Variants in PCDH15 observed in about 807,000 individuals in gnomAD.
PCDH15 encodes protocadherin-15.
Under a neutral mutation model 178.5 loss-of-function variants are expected in PCDH15, and 129 were observed. That is an observed-to-expected ratio of 0.72 (90% CI 0.63 to 0.84). The LOEUF (loss-of-function observed/expected upper bound fraction) is 0.84, where lower values mean the gene tolerates loss of function less well. PCDH15 is among the 40% of genes least tolerant of loss of function. The probability of loss-of-function intolerance (pLI) is 0.00; values close to 1 mark genes in which losing one functional copy is unlikely to be tolerated. For missense variants in PCDH15, 2,230 were observed against 2,099.9 expected, an observed-to-expected ratio of 1.06 and a Z score of -1.21; for synonymous variants, 800 against 732.0, an observed-to-expected ratio of 1.09 and a Z score of -1.50.
rs1842461234 is a variant in PCDH15, at chr10:55,096,901, C to T, written c.-80+69675G>A. On this transcript the variant is annotated intron_variant, in intron 2 of 5. Coordinates refer to the PCDH15 transcript ENST00000458638. ...AAACTTCCAGTATCAGTTAAATTTA[C>T]ACATGAAAATAAAACAAATATTTCA... Among the ~76,000 whole-genome samples the T allele has an allele frequency of 3.3e-5, 5 of 152,022 alleles. No individual in the cohort carries two copies. In the South Asian group the frequency reaches 1.0e-3, roughly 31 times the overall value.
At chr10:54,443,176 T>A (rs55932234) in intron 3 of PCDH15, among the ~76,000 whole-genome samples, 4 of 151,592 alleles carry the variant, frequency 2.6e-5, no homozygotes, top group Non-Finnish European at 5.9e-5. Context: ...ATAGCAGCAA[T>A]TTTTTTTCCT....
rs1017735499 is a variant in PCDH15, at chr10:54,801,173, C to T, written c.-277G>A. On this transcript the variant is annotated 5_prime_UTR_variant, in exon 1 of 38. The change abolishes an upstream ATG in the 5' untranslated region. Coordinates refer to ENST00000644397, the MANE Select transcript of PCDH15 (RefSeq NM_001384140.1). ...CAACATGTTAACTCAGAAAGCATAC[C>T]ATCATTCTCCACGTTCTGAGATGTA... 5 of 152,084 alleles carry T rather than the reference C, an allele frequency of 3.3e-5. No individual in the cohort carries two copies. The allele number at this position is 152,084 out of a possible 1,614,324, so 9.4% of individuals were successfully genotyped here.
intron 15 of PCDH15, among the ~76,000 whole-genome samples, chr10:54,107,476 C>A (rs1590486259): frequency 6.6e-6 from 1 of 152,268 alleles, no homozygotes; most frequent in African/African-American, 2.4e-5. Context: ...TTTGTGGCAG[C>A]AACGTGCACA....
intron 32 of PCDH15, chr10:53,821,812 CTA>C (rs764242130): frequency 1.2e-6 from 2 of 1,607,932 alleles, no homozygotes; most frequent in Non-Finnish European, 1.7e-6. Flanking sequence ...AACTTGAAGA[CTA>C]TGATCAACAA....
chr10:55,382,593 C>A (rs756333802), intron 2 of PCDH15, among the ~76,000 whole-genome samples: 1 of 152,140 alleles, frequency 6.6e-6, no homozygotes, highest in South Asian at 2.1e-4. Flanking sequence ...CAGTGAGACA[C>A]GTGTTGGATT....
intron 1 of PCDH15, among the ~76,000 whole-genome samples, chr10:54,754,942 C>CTTCCTTTTTTTTTTTT (rs775058954): frequency 5.9e-5 from 2 of 33,860 alleles, no homozygotes; most frequent in South Asian, 1.1e-3. Flanking sequence ...GTTTTTCTTT[C>CTTCCTTTTTTTTTTTT]TTTTTTTTTT....
chr10:54,069,483 A>G (rs960239190), intron 17 of PCDH15, among the ~76,000 whole-genome samples: 3 of 152,146 alleles, frequency 2.0e-5, no homozygotes, highest in African/African-American at 7.2e-5. Context: ...TTCTTACTGA[A>G]TTTTATATGA....
chr10:54,770,240 A>G (rs1471377417), intron 1 of PCDH15, among the ~76,000 whole-genome samples: 1 of 152,126 alleles, frequency 6.6e-6, no homozygotes, highest in Non-Finnish European at 1.5e-5. Context: ...AATGGTTTCA[A>G]ATTATGACCT....
At chr10:54,363,504 A>G (rs1272860957) in intron 5 of PCDH15, among the ~76,000 whole-genome samples, 1 of 152,174 alleles carries the variant, frequency 6.6e-6, no homozygotes, top group Non-Finnish European at 1.5e-5. Context: ...GTAATCCAGC[A>G]CCAGCATCAC....
chr10:54,594,623 T>G (rs1937407), intron 2 of PCDH15, among the ~76,000 whole-genome samples: 1 of 152,154 alleles, frequency 6.6e-6, no homozygotes, highest in African/African-American at 2.4e-5. Context: ...ACTGCTTTGC[T>G]GGCAGGCACT....
intron 15 of PCDH15, among the ~76,000 whole-genome samples, chr10:54,113,656 A>ACACACACACACACACACACACACG: frequency 1.3e-5 from 2 of 152,130 alleles, no homozygotes; most frequent in Admixed American, 6.5e-5. Context: ...ACACACACAC[A>ACACACACACACACACACACACACG]CACGCACATC....
intron 3 of PCDH15, among the ~76,000 whole-genome samples, chr10:54,831,127 G>C (rs1442097516): frequency 6.6e-6 from 1 of 151,998 alleles, no homozygotes; most frequent in Non-Finnish European, 1.5e-5. Flanking sequence ...TAATCATTCA[G>C]CGTAGAACAT....
At chr10:55,496,090 G>T (rs773819713) in intron 2 of PCDH15, among the ~76,000 whole-genome samples, 1 of 151,816 alleles carries the variant, frequency 6.6e-6, no homozygotes, top group Non-Finnish European at 1.5e-5. Context: ...AATAATTTTA[G>T]ATTTGCTTTC....
Position 54,467,609 on chromosome 10 carries a change from T to G in PCDH15, c.157+60203A>C, listed in dbSNP as rs538150979. 1.9e-4 allele frequency among the ~76,000 whole-genome samples: 28 copies of G among 147,298 alleles called. No homozygotes were observed. In the East Asian group the frequency reaches 4.3e-3, roughly 23 times the overall value. ...AAGGATATCAAGCTGTAGTTTTTTT[T>G]TTTTTTTTTTTTTTTTTGGTTATTG... On this transcript the variant is annotated intron_variant, in intron 3 of 37. Transcript: ENST00000644397.
At chr10:54,876,147 C>T (rs976867215) in intron 3 of PCDH15, among the ~76,000 whole-genome samples, 3 of 152,110 alleles carry the variant, frequency 2.0e-5, no homozygotes, top group African/African-American at 7.2e-5. Context: ...TCTGCCTGTG[C>T]TCTATAAACA....
intron 1 of PCDH15, among the ~76,000 whole-genome samples, chr10:54,756,247 C>T (rs1421993385): frequency 6.6e-6 from 1 of 151,384 alleles, no homozygotes; most frequent in Non-Finnish European, 1.5e-5. Context: ...CAGACTCTGT[C>T]TCAAAAAAAT....
rs748681082 is a variant in PCDH15 at position 53,866,772 on chromosome 10, A to G, written c.3587T>C (p.Val1196Ala). Residue 1196 changes from valine (V) to alanine (A), a missense_variant, in exon 27 of 38, where the codon GTA becomes GCA. Val to Ala is a moderately conservative substitution (Grantham distance 64). Transcript: ENST00000644397. ...GATAAGCCCTGTATATGTTTCCACT[A>G]CAAATCCTTCTTTTCCCTCTTTAAT... ...PPIKEGKEGF[V>A]VETYTGLIKT... 1.9e-6 allele frequency: 3 copies of G among 1,613,480 alleles called. No individual in the cohort carries two copies. The highest frequency in any genetic ancestry group is 2.5e-6 in the Non-Finnish European group (3 of 1,179,468).
At chr10:55,403,641 T>C (rs1056894756) in intron 2 of PCDH15, among the ~76,000 whole-genome samples, 1 of 151,980 alleles carries the variant, frequency 6.6e-6, no homozygotes, top group Non-Finnish European at 1.5e-5. Flanking sequence ...CCGCAATATA[T>C]GTTCTCAGCA....
intron 9 of PCDH15, among the ~76,000 whole-genome samples, chr10:54,217,739 T>C (rs2052262146): frequency 1.3e-5 from 2 of 152,136 alleles, no homozygotes; most frequent in African/African-American, 4.8e-5. Context: ...CAGACTATGG[T>C]TTTGAAATAC....
Sources: allele counts gnomAD v4.1 joint callset (sites outside exome capture counted in the v4.1 genomes callset), GRCh38; gene constraint gnomAD v4.1.1; transcripts MANE v1.5; gene names NCBI Gene and HGNC (gene_info 2026-07-23, HGNC 2026-07-21).